Variants in PERM1 observed in about 807,000 individuals in gnomAD.
The protein encoded by PERM1 is PPARGC1 and ESRR induced regulator, muscle 1.
PERM1 carries 45 observed loss-of-function variants against 44.1 expected under a neutral mutation model. That is an observed-to-expected ratio of 1.02 (90% CI 0.80 to 1.31). PERM1 has a LOEUF of 1.31. Ranked by LOEUF, PERM1 falls within the 50% of genes most tolerant of loss-of-function variation. The probability of loss-of-function intolerance (pLI) is 0.00; values close to 1 mark genes in which losing one functional copy is unlikely to be tolerated. For synonymous variants in PERM1, 565 were observed against 477.1 expected (o/e 1.18, Z -2.40); for missense variants, 1,189 against 1,106.9 (o/e 1.07, Z -1.05).
chr1:979,679 T>C (rs1643733782), exon 1 of PERM1: 2 of 1,550,250 alleles, frequency 1.3e-6, no homozygotes, highest in Non-Finnish European at 1.7e-6. Context: ...GCGTCGGCTC[T>C]GGGAACAGGT....
chr1:980,253 G>A (rs1382946538), exon 1 of PERM1: 4 of 1,550,396 alleles, frequency 2.6e-6, no homozygotes, highest in East Asian at 2.4e-5. Flanking sequence ...CTGTCACAGG[G>A]ACAGGTGTAG....
At chr1:981,284 G>T, upstream of PERM1, 1 of 1,082,482 alleles carries the variant, frequency 9.2e-7, no homozygotes. Context: ...AGTTCCCAAC[G>T]CACCCCAAAT....
chr1:979,088 G>A (rs1468831066), exon 1 of PERM1: 10 of 1,549,350 alleles, frequency 6.5e-6, no homozygotes, highest in Admixed American at 2.0e-5. Flanking sequence ...GGGTCTCCAG[G>A]TATGGGGGCC....
At chr1:976,207 C>T (rs1345837541) in exon 3 of PERM1, 1 of 1,540,300 alleles carries the variant, frequency 6.5e-7, no homozygotes, top group East Asian at 2.4e-5. Context: ...CTGCGGCGCC[C>T]TTGCCCCACC....
At chr1:982,089 C>T (rs777163408), upstream of PERM1, 11 of 1,287,884 alleles carry the variant, frequency 8.5e-6, no homozygotes, top group African/African-American at 1.5e-4. Flanking sequence ...CCGAGCTGGG[C>T]GTCTGAGCTG....
exon 1 of PERM1, chr1:980,248 A>G (rs1012472659): frequency 6.5e-7 from 1 of 1,550,342 alleles, no homozygotes; most frequent in East Asian, 2.4e-5. Context: ...TTGCTCTGTC[A>G]CAGGGACAGG....
exon 1 of PERM1, chr1:979,806 A>G: frequency 6.5e-7 from 1 of 1,550,378 alleles, no homozygotes; most frequent in Non-Finnish European, 8.7e-7. Context: ...CATCCAGGCC[A>G]TGTTTGGAGG....
intron 2 of PERM1, 24 bp from the exon 4 acceptor site, chr1:976,293 C>A: frequency 1.1e-5 from 16 of 1,484,106 alleles, no homozygotes; most frequent in Non-Finnish European, 1.4e-5. Context: ...ACAGGCTCTT[C>A]TGAGGGCCAG....
intron 2 of PERM1, 108 bp from the exon 4 acceptor site, chr1:976,377 C>G: frequency 6.7e-7 from 1 of 1,496,310 alleles, no homozygotes; most frequent in Non-Finnish European, 8.9e-7. Flanking sequence ...GCCAGGGCCG[C>G]AGCTCAGCCT....
rs1404073284 is a variant in PERM1, at chr1:979,223, C to CAT, written c.1806_1807insAT (p.Ala603MetfsTer105). ...TGGACGCCTGCCGGATCCTGACCGGCCGCTGCCGCCTCAGCCTCTTCGTTC... is the reference window on the plus strand; with the variant it reads ...TGGACGCCTGCCGGATCCTGACCGGCATCGCTGCCGCCTCAGCCTCTTCGTTC... On this transcript the variant is annotated frameshift_variant, in exon 1 of 3. Transcript: ENST00000433179. LOFTEE classifies it high-confidence loss of function. 1 of 1,550,150 alleles carries CAT rather than the reference C, an allele frequency of 6.5e-7. No individual in the cohort carries two copies. The highest frequency in any genetic ancestry group is 8.7e-7 in the Non-Finnish European group (1 of 1,146,800).
exon 1 of PERM1, chr1:980,669 G>A (rs887269366): frequency 5.4e-5 from 77 of 1,429,204 alleles, no homozygotes; most frequent in Non-Finnish European, 7.0e-5. Flanking sequence ...TGGCTGGGAG[G>A]GCTGGCGCCG....
chr1:979,516 C>A, exon 1 of PERM1: 1 of 1,549,938 alleles, frequency 6.5e-7, no homozygotes, highest in Non-Finnish European at 8.7e-7. Flanking sequence ...CACGGAGAAG[C>A]GCACTTTCTT....
At position 979,831 on chromosome 1, in the gene PERM1, G is replaced by A. The variant is rs577120404; in HGVS notation, c.1199C>T (p.Ala400Val). Residue 400 changes from alanine to valine, a missense_variant, in exon 1 of 3, where the codon GCT (alanine) becomes GTT (valine). Around this residue, in one of 3 missense-constraint regions of PERM1, gnomAD observed 900 missense variants for 760.4 expected, o/e 1.18. Transcript: ENST00000433179. ...ATGTTTGGAGGCAGGTGTGGACACA[G>A]CCACGTCCGTGTCCAATTGTGGCTT... 1,341 of 1,549,816 alleles carry A rather than the reference G, an allele frequency of 8.7e-4. 5 individuals carry two copies. Among genetic ancestry groups the A allele is most frequent in the South Asian group, 2.4e-3 (199 of 84,022 alleles).
exon 1 of PERM1, chr1:979,626 A>G: frequency 1.3e-6 from 2 of 1,550,204 alleles, no homozygotes; most frequent in Non-Finnish European, 1.7e-6. Context: ...TCTCCACCAC[A>G]TCAGGCCCAG....
upstream of PERM1, chr1:982,049 GC>G: frequency 7.8e-7 from 1 of 1,288,378 alleles, no homozygotes; most frequent in South Asian, 1.2e-5. Context: ...GGAGCCAGCA[GC>G]TGACCATGTC....
exon 1 of PERM1, chr1:980,487 G>T (rs900621955): frequency 6.6e-7 from 1 of 1,510,304 alleles, no homozygotes; most frequent in Non-Finnish European, 8.9e-7. Flanking sequence ...TCTTCTTTCG[G>T]CTGGGGCTCC....
upstream of PERM1, chr1:981,043 AG>A: frequency 5.2e-6 from 8 of 1,537,972 alleles, no homozygotes; most frequent in Non-Finnish European, 7.0e-6. Flanking sequence ...GAGTCAGCAG[AG>A]GCACTGGAGG....
At chr1:982,010 G>T (rs746183744), upstream of PERM1, 19 of 1,268,456 alleles carry the variant, frequency 1.5e-5, 2 homozygotes, top group South Asian at 2.0e-4. Flanking sequence ...CCTCTGTGGG[G>T]GTTGTTACCA....
rs181589848 is a variant in PERM1, at chr1:975,956, C to T, written c.*216G>A. The T allele has an allele frequency of 6.3e-4, 345 of 550,832 alleles. 1 individual carries two copies. The highest frequency in any genetic ancestry group is 6.2e-3 in the African/African-American group (312 of 50,610). The allele number at this position is 550,832 out of a possible 1,614,324, so 34.1% of individuals were successfully genotyped here. On this transcript the variant is annotated 3_prime_UTR_variant, in exon 3 of 3. Coordinates refer to ENST00000433179, the Ensembl canonical transcript of PERM1. ...AGCCACCTGCCTGCCCTCCACCCAC[C>T]CAGACTTTAGCACCTCCCTCCCAGG... is the stretch of plus-strand genomic sequence containing the variant.
Sources: gnomAD v4.1 joint callset for allele counts on GRCh38, gnomAD v4.1.1 for gene constraint, gnomAD v4.1.1 regional missense constraint, MANE v1.5 for transcripts, NCBI Gene and HGNC (gene_info 2026-07-23, HGNC 2026-07-21) for gene names.